HPSE2: variants seen among roughly 807,000 people sequenced by gnomAD.
The protein encoded by HPSE2 is inactive heparanase-2.
Under a neutral mutation model 60.5 loss-of-function variants are expected in HPSE2, and 38 were observed. The observed-to-expected ratio is 0.63, with a 90% CI of 0.48 to 0.82. HPSE2 has a LOEUF of 0.82. HPSE2 is among the 40% of genes least tolerant of loss of function. HPSE2 has a pLI of 0.00. For missense variants in HPSE2, 713 were observed against 740.4 expected, an observed-to-expected ratio of 0.96 and a Z score of 0.43; for synonymous variants, 295 against 293.2, an observed-to-expected ratio of 1.01 and a Z score of -0.06.
chr10:99,034,186 T>C (rs1957559871), intron 3 of HPSE2, among the ~76,000 whole-genome samples: 6 of 152,196 alleles, frequency 3.9e-5, no homozygotes. Context: ...ACAACATAGA[T>C]AAATAATAAA....
intron 3 of HPSE2, among the ~76,000 whole-genome samples, chr10:99,040,853 G>T (rs1957720995): frequency 6.6e-6 from 1 of 152,114 alleles, no homozygotes; most frequent in Non-Finnish European, 1.5e-5. Context: ...TTGGGAGGCC[G>T]AGGCGAGCGG....
chr10:99,287,102 C>G, the HPSE2 span, among the ~76,000 whole-genome samples: 1 of 152,042 alleles, frequency 6.6e-6, no homozygotes, highest in Non-Finnish European at 1.5e-5. Flanking sequence ...TTCCCTAGAG[C>G]AGAATTCATT....
chr10:98,793,155 G>A (rs766354480), intron 3 of HPSE2, among the ~76,000 whole-genome samples: 6 of 152,178 alleles, frequency 3.9e-5, no homozygotes, highest in Non-Finnish European at 8.8e-5. Context: ...TATTTCAGAT[G>A]TTCTCCCTTA....
chr10:98,894,557 A>C (rs754391893), intron 3 of HPSE2, among the ~76,000 whole-genome samples: 9 of 152,164 alleles, frequency 5.9e-5, no homozygotes, highest in Non-Finnish European at 5.9e-5. Flanking sequence ...GACATGGAAG[A>C]TAGAGCTAAA....
intron 9 of HPSE2, among the ~76,000 whole-genome samples, chr10:98,541,749 G>GGCA (rs1236726040): frequency 6.6e-6 from 1 of 152,160 alleles, no homozygotes; most frequent in Non-Finnish European, 1.5e-5. Context: ...ACTGCAAGGT[G>GGCA]GCAGCGAGGC....
intron 9 of HPSE2, among the ~76,000 whole-genome samples, chr10:98,508,993 T>C (rs1341105203): frequency 6.6e-6 from 1 of 152,166 alleles, no homozygotes; most frequent in African/African-American, 2.4e-5. Context: ...TTCACAGCTA[T>C]GTAGAAAGTA....
intron 2 of HPSE2, among the ~76,000 whole-genome samples, chr10:99,215,800 G>A (rs1849100461): frequency 6.6e-6 from 1 of 152,186 alleles, no homozygotes; most frequent in Non-Finnish European, 1.5e-5. Flanking sequence ...TTGGGCTAAT[G>A]AAAATGTTTT....
At chr10:98,999,866 A>C (rs963192721) in intron 3 of HPSE2, among the ~76,000 whole-genome samples, 1 of 152,198 alleles carries the variant, frequency 6.6e-6, no homozygotes, top group Non-Finnish European at 1.5e-5. Flanking sequence ...ATGGGGAGCC[A>C]CTATAGTTCT....
chr10:99,033,962 G>A (rs1337144303), intron 3 of HPSE2, among the ~76,000 whole-genome samples: 1 of 152,100 alleles, frequency 6.6e-6, no homozygotes, highest in African/African-American at 2.4e-5. Context: ...ATCTCACTCT[G>A]CACTCCAAAG....
chr10:98,483,330 T>C (rs1021524222), intron 10 of HPSE2, among the ~76,000 whole-genome samples: 5 of 152,246 alleles, frequency 3.3e-5, no homozygotes, highest in Admixed American at 1.3e-4. Flanking sequence ...TGATTCTTTT[T>C]CTACTTGTAG....
chr10:99,262,447 C>T, the HPSE2 span, among the ~76,000 whole-genome samples: 50 of 152,240 alleles, frequency 3.3e-4, no homozygotes, highest in African/African-American at 1.1e-3. Flanking sequence ...GCCTCCTTTG[C>T]ATCCTCCCCT....
intron 3 of HPSE2, among the ~76,000 whole-genome samples, chr10:99,069,751 T>C (rs1484081025): frequency 6.6e-6 from 1 of 151,988 alleles, no homozygotes; most frequent in Non-Finnish European, 1.5e-5. Context: ...TGTTTTCATG[T>C]ATCATCTCAT....
intron 3 of HPSE2, among the ~76,000 whole-genome samples, chr10:99,032,637 A>C (rs1957523407): frequency 6.6e-6 from 1 of 152,212 alleles, no homozygotes; most frequent in Admixed American, 6.5e-5. Flanking sequence ...TTCATGGCTT[A>C]AACAATACAA....
rs563015151 is a variant in HPSE2, at chr10:98,984,383, A to G, written c.610+159855T>C. 2.0e-5 allele frequency among the ~76,000 whole-genome samples: 3 copies of G among 152,320 alleles called. No homozygotes were observed. The East Asian group carries it at 5.8e-4, about 29-fold the overall frequency. ...TGCTGCTGATACCCAGGCAAACAGG[A>G]TCTGGAGTGGACCTCCAGCAAACTC... On this transcript the variant is annotated intron_variant, in intron 3 of 11. Transcript: ENST00000370552.
In HPSE2 at chr10:98,521,992, G is replaced by A. The variant is rs150643678; in HGVS notation, c.1321-31796C>T. ...ACACCGAGGCCTGTCAGGGGGTGTG[G>A]GGCTGGGGGAGGGAAAAGCATTAGG... is the stretch of plus-strand genomic sequence containing the variant. On this transcript the variant is annotated intron_variant, in intron 9 of 11. Transcript: ENST00000370552. Among the ~76,000 whole-genome samples the A allele has an allele frequency of 2.4e-3, 360 of 152,190 alleles. 2 individuals carry two copies. The highest frequency in any genetic ancestry group is 4.2e-3 in the Non-Finnish European group (283 of 68,008).
intron 3 of HPSE2, among the ~76,000 whole-genome samples, chr10:98,998,405 T>C (rs923320529): frequency 2.0e-5 from 3 of 152,220 alleles, no homozygotes; most frequent in Non-Finnish European, 4.4e-5. Flanking sequence ...TAGAAGAGAA[T>C]TCTAGATGTA....
chr10:98,656,925 C>T (rs544597307), intron 6 of HPSE2, among the ~76,000 whole-genome samples: 1 of 152,190 alleles, frequency 6.6e-6, no homozygotes, highest in East Asian at 1.9e-4. Flanking sequence ...CCACATCCGG[C>T]TAATTTTTGG....
intron 6 of HPSE2, among the ~76,000 whole-genome samples, chr10:98,658,380 T>C (rs1351069481): frequency 3.3e-5 from 5 of 152,232 alleles, no homozygotes; most frequent in Non-Finnish European, 7.3e-5. Flanking sequence ...AATTTTCACA[T>C]CACAAGGTGT....
Position 98,890,785 on chromosome 10 carries a change from C to T in HPSE2, c.611-146729G>A, listed in dbSNP as rs138568753. Among the ~76,000 whole-genome samples the T allele has an allele frequency of 8.5e-5, 13 of 152,176 alleles. No homozygotes were observed. In the East Asian group the frequency reaches 1.2e-3, roughly 14 times the overall value. On this transcript the variant is annotated intron_variant, in intron 3 of 11. Coordinates refer to ENST00000370552, the MANE Select transcript of HPSE2 (RefSeq NM_021828.5). Reference sequence around the variant, plus strand: ...TAGCTAGGTGGAGCCTTACACATACCGATACTGTGCACACAGGATGATTAG... The same window carrying T: ...TAGCTAGGTGGAGCCTTACACATACTGATACTGTGCACACAGGATGATTAG...
Sources: allele counts gnomAD v4.1 joint callset (sites outside exome capture counted in the v4.1 genomes callset), GRCh38; gene constraint gnomAD v4.1.1; transcripts MANE v1.5; gene names NCBI Gene and HGNC (gene_info 2026-07-23, HGNC 2026-07-21).